FAM20A: variants seen among roughly 807,000 people sequenced by gnomAD.
The protein encoded by FAM20A is pseudokinase FAM20A.
FAM20A carries 42 observed loss-of-function variants against 52.0 expected under a neutral mutation model. The observed-to-expected ratio is 0.81, with a 90% CI of 0.63 to 1.04. FAM20A has a LOEUF of 1.04. Among genes scored for constraint, FAM20A ranks in the 50% least tolerant of loss-of-function variants. The probability of loss-of-function intolerance (pLI) is 0.00; values close to 1 mark genes in which losing one functional copy is unlikely to be tolerated. For synonymous variants in FAM20A, 304 were observed against 298.9 expected (o/e 1.02, Z -0.18); for missense variants, 742 against 712.7 (o/e 1.04, Z -0.47).
At chr17:68,539,143 G>A (rs980092394) in intron 10 of FAM20A, among the ~76,000 whole-genome samples, 194 bp downstream of exon 10, 4 of 152,172 alleles carry the variant, frequency 2.6e-5, no homozygotes, top group African/African-American at 7.2e-5. Context: ...TGAGACCACC[G>A]TCATATATGC....
At chr17:68,541,825 AACAG>A (rs370936131) in intron 7 of FAM20A, 156 bp downstream of exon 7, 2 of 827,588 alleles carry the variant, frequency 2.4e-6, no homozygotes, top group African/African-American at 1.7e-5. Flanking sequence ...TAAAGGGGAG[AACAG>A]ACCCAGGCCT....
intron 1 of FAM20A, among the ~76,000 whole-genome samples, chr17:68,581,410 CTT>C (rs2087971830): frequency 1.5e-5 from 2 of 137,154 alleles, no homozygotes; most frequent in African/African-American, 5.5e-5. Context: ...TTCTTTCTTT[CTT>C]TCTTTTTCTC....
At chr17:68,589,541 C>T (rs1356225839) in intron 1 of FAM20A, among the ~76,000 whole-genome samples, 1 of 152,092 alleles carries the variant, frequency 6.6e-6, no homozygotes, top group Admixed American at 6.6e-5. Flanking sequence ...CATGTTCTTA[C>T]TAGTGATAAT....
chr17:68,572,975 C>T (rs2087607679), intron 1 of FAM20A, among the ~76,000 whole-genome samples: 1 of 152,182 alleles, frequency 6.6e-6, no homozygotes, highest in Non-Finnish European at 1.5e-5. Context: ...CCAATTCCTT[C>T]TCATGTCACC....
rs561328991 is a variant in FAM20A, at chr17:68,572,514, TG to T, written c.405-16772del. On this transcript the variant is annotated intron_variant, in intron 1 of 10. Transcript: ENST00000592554. ...AGTAGTAACTGGGCCAAGAAGGGCA[TG>T]GGCTTTTGGAAATGGCTTTTTGGTG... 2.8e-4 allele frequency among the ~76,000 whole-genome samples: 43 copies of T among 152,272 alleles called. No individual in the cohort carries two copies. The East Asian group carries it at 7.9e-3, about 28-fold the overall frequency.
intron 4 of FAM20A, among the ~76,000 whole-genome samples, chr17:68,548,122 C>G (rs2086653058): frequency 6.6e-6 from 1 of 152,190 alleles, no homozygotes; most frequent in South Asian, 2.1e-4. Flanking sequence ...AGGCCAGGTG[C>G]AGTGGCTCAC....
chr17:68,576,506 G>T lies in FAM20A; in HGVS notation c.405-20763C>A, dbSNP rs9895840. Among the ~76,000 whole-genome samples, 884 of 152,270 alleles carry T rather than the reference G, an allele frequency of 5.8e-3. 9 individuals carry two copies. The highest frequency in any genetic ancestry group is 0.02 in the African/African-American group (845 of 41,536). ...CTGGCACCTCCTGGCTCCTCATGCT[G>T]CAGCCCTGAGCCCAAGGCTCCCTTC... On this transcript the variant is annotated intron_variant, in intron 1 of 10. Coordinates refer to ENST00000592554, the MANE Select transcript of FAM20A (RefSeq NM_017565.4).
chr17:68,551,087 A>T, intron 4 of FAM20A: 1 of 1,234,248 alleles, frequency 8.1e-7, no homozygotes, highest in East Asian at 3.2e-5. Flanking sequence ...TCTGCAGGTC[A>T]CCTCATCATC....
rs146230912 is a variant in FAM20A, at chr17:68,542,651, C to T, written c.928+43G>A. 1.6e-4 allele frequency: 230 copies of T among 1,482,484 alleles called. No individual in the cohort carries two copies. The African/African-American group carries it at 2.6e-3, about 17-fold the overall frequency. The allele number at this position is 1,482,484 out of a possible 1,614,324, so 91.8% of individuals were successfully genotyped here. A position where few individuals can be genotyped will look rare whatever the true frequency, so the allele number is the denominator to read the frequency against. ...ATGGAGGGGTGGACACTCTGGCTTA[C>T]GATCTACTCAGACCCGGAATATCAC... On this transcript the variant is annotated intron_variant, in intron 6 of 10. Coordinates refer to ENST00000592554, the MANE Select transcript of FAM20A (RefSeq NM_017565.4).
rs779596329 is a variant in FAM20A at position 68,600,695 on chromosome 17, G to C, written c.-29C>G. ...GTGCTGGCCAAGGGGGACGCCGGGG[G>C]CAGGCCGGCTGTCTCCGGGGTCCCG... On this transcript the variant is annotated 5_prime_UTR_variant, in exon 1 of 11. Coordinates refer to ENST00000592554, the MANE Select transcript of FAM20A (RefSeq NM_017565.4). This position sits in a 1 kb window ranked among gnomAD's most constrained non-coding sequence, Gnocchi z 6.2. 1.9e-5 allele frequency: 29 copies of C among 1,528,556 alleles called. No homozygotes were observed. Among genetic ancestry groups the C allele is most frequent in the Middle Eastern group, 2.3e-4 (1 of 4,354 alleles). 94.7% of individuals were successfully genotyped at this position (1,528,556 alleles called of 1,614,324 possible).
At chr17:68,559,764 T>C (rs2087157836) in intron 1 of FAM20A, among the ~76,000 whole-genome samples, 1 of 152,226 alleles carries the variant, frequency 6.6e-6, no homozygotes, top group Non-Finnish European at 1.5e-5. Flanking sequence ...CTGGTGTTTT[T>C]CCCCATTGTT....
rs1568768061 is a variant in FAM20A, at chr17:68,575,832, A to ACACACAC, written c.405-20090_405-20089insGTGTGTG. Among the ~76,000 whole-genome samples the ACACACAC allele has an allele frequency of 2.6e-4, 37 of 139,888 alleles. No individual in the cohort carries two copies. In the South Asian group the frequency reaches 7.5e-3, roughly 28 times the overall value. The allele number at this position is 139,888 out of a possible 152,430, so 91.8% of individuals were successfully genotyped here. ...CACACACACACACACACACACACAC[A>ACACACAC]TAATCAGCCATTGGCAGTTACAGCT... On this transcript the variant is annotated intron_variant, in intron 1 of 10. Coordinates refer to ENST00000592554, the MANE Select transcript of FAM20A (RefSeq NM_017565.4).
At chr17:68,589,850 T>C (rs942641625) in intron 1 of FAM20A, among the ~76,000 whole-genome samples, 1 of 152,168 alleles carries the variant, frequency 6.6e-6, no homozygotes, top group Non-Finnish European at 1.5e-5. Context: ...ACATTCAAAA[T>C]TGGATGTAAG....
intron 3 of FAM20A, among the ~76,000 whole-genome samples, chr17:68,554,127 C>T (rs960111313): frequency 1.0e-4 from 15 of 146,482 alleles, no homozygotes; most frequent in East Asian, 2.0e-4. Context: ...TATACACACA[C>T]ATATATATAT....
chr17:68,578,789 C>G (rs773828664), intron 1 of FAM20A, among the ~76,000 whole-genome samples: 1 of 135,460 alleles, frequency 7.4e-6, no homozygotes, highest in African/African-American at 2.9e-5. Flanking sequence ...GTCAAGAGAT[C>G]GAGACCATCC....
chr17:68,547,854 C>G (rs2086639802), intron 4 of FAM20A, among the ~76,000 whole-genome samples: 1 of 152,226 alleles, frequency 6.6e-6, no homozygotes, highest in African/African-American at 2.4e-5. Flanking sequence ...CACAACTTGC[C>G]TGACTGGCAC....
intron 1 of FAM20A, among the ~76,000 whole-genome samples, chr17:68,565,118 C>A (rs553704581): frequency 1.3e-5 from 2 of 151,694 alleles, no homozygotes; most frequent in African/African-American, 4.9e-5. Flanking sequence ...TTCAACAGTT[C>A]TTTGGGGATT....
intron 4 of FAM20A, among the ~76,000 whole-genome samples, chr17:68,544,818 C>A (rs182777044): frequency 2.6e-4 from 39 of 152,334 alleles, no homozygotes; most frequent in African/African-American, 9.1e-4. Flanking sequence ...TGAGTCCCAT[C>A]TGTAGGAACA....
chr17:68,545,183 T>C (rs1435581821), intron 4 of FAM20A, among the ~76,000 whole-genome samples: 1 of 152,248 alleles, frequency 6.6e-6, no homozygotes, highest in African/African-American at 2.4e-5. Flanking sequence ...GACTGAATTT[T>C]ATAAAAATGT....
Sources: allele counts gnomAD v4.1 joint callset (sites outside exome capture counted in the v4.1 genomes callset), GRCh38; gene constraint gnomAD v4.1.1; non-coding constraint Gnocchi (gnomAD v3.1); transcripts MANE v1.5; gene names NCBI Gene and HGNC (gene_info 2026-07-23, HGNC 2026-07-21).